The following SOX5 variants were observed in gnomAD, a reference collection of about 807,000 sequenced individuals.
SOX5 encodes SRY-box transcription factor 5.
A neutral mutation model predicts 92.0 loss-of-function variants in SOX5; 9 were observed. The observed-to-expected ratio is 0.10, with a 90% CI of 0.06 to 0.17. SOX5 has a LOEUF of 0.17. Ranked by LOEUF, SOX5 falls within the 10% of genes least tolerant of loss-of-function variation. The probability of loss-of-function intolerance (pLI) is 1.00; values close to 1 mark genes in which losing one functional copy is unlikely to be tolerated. For missense variants in SOX5, 642 were observed against 944.5 expected (o/e 0.68, Z 4.20); for synonymous variants, 344 against 336.3 (o/e 1.02, Z -0.25).
intron 1 of SOX5, among the ~76,000 whole-genome samples, chr12:24,560,726 G>C (rs1954253662): frequency 6.6e-6 from 1 of 152,156 alleles, no homozygotes; most frequent in Non-Finnish European, 1.5e-5. Context: ...TGCTATAAAA[G>C]TCAAACTTGA....
intron 6 of SOX5, among the ~76,000 whole-genome samples, chr12:23,726,135 GA>G (rs1410958283): frequency 5.8e-5 from 1 of 17,240 alleles, no homozygotes; most frequent in Non-Finnish European, 1.3e-4. Context: ...GAGAGAGAGA[GA>G]GAGAGAGAGA....
chr12:23,921,176 A>C (rs932709704), intron 1 of SOX5, among the ~76,000 whole-genome samples: 30 of 152,158 alleles, frequency 2.0e-4, no homozygotes, highest in African/African-American at 6.8e-4. Flanking sequence ...CCTAATAAAG[A>C]AGTACAAAAT....
At chr12:23,756,098 G>A (rs2094363446) in intron 3 of SOX5, among the ~76,000 whole-genome samples, 1 of 151,742 alleles carries the variant, frequency 6.6e-6, no homozygotes. Flanking sequence ...GTAAAAAAAG[G>A]CAAAGAATTA....
chr12:24,244,499 G>A (rs749732424), intron 3 of SOX5, among the ~76,000 whole-genome samples: 1 of 152,156 alleles, frequency 6.6e-6, no homozygotes, highest in Non-Finnish European at 1.5e-5. Context: ...CAGGAAAAAG[G>A]TGAATGGTTA....
At chr12:23,657,210 A>C (rs1017301452) in intron 7 of SOX5, among the ~76,000 whole-genome samples, 1 of 152,134 alleles carries the variant, frequency 6.6e-6, no homozygotes, top group Non-Finnish European at 1.5e-5. Flanking sequence ...TAAAATCAAT[A>C]AGAGAGCAAG....
At chr12:24,416,084 C>G (rs1286830822) in intron 1 of SOX5, among the ~76,000 whole-genome samples, 1 of 152,190 alleles carries the variant, frequency 6.6e-6, no homozygotes, top group Admixed American at 6.5e-5. Flanking sequence ...AGTGGGTGGT[C>G]TCTCCTGGGT....
chr12:23,999,539 A>C (rs1044386150), intron 4 of SOX5, among the ~76,000 whole-genome samples: 2 of 152,148 alleles, frequency 1.3e-5, no homozygotes, highest in East Asian at 3.8e-4. Flanking sequence ...TAATGTATAC[A>C]TATATCAAAA....
At chr12:24,423,498 T>C (rs1966248384) in intron 1 of SOX5, among the ~76,000 whole-genome samples, 1 of 152,246 alleles carries the variant, frequency 6.6e-6, no homozygotes. Flanking sequence ...TTTCTATATG[T>C]AGGAATACTA....
chr12:23,949,707 G>T, upstream of SOX5: 1 of 1,454,130 alleles, frequency 6.9e-7, no homozygotes, highest in Non-Finnish European at 9.1e-7. Context: ...TTTTCTCTCT[G>T]TCTCTTCCCC....
intron 3 of SOX5, among the ~76,000 whole-genome samples, chr12:24,218,009 G>T (rs527541608): frequency 6.6e-6 from 1 of 152,156 alleles, no homozygotes; most frequent in African/African-American, 2.4e-5. Flanking sequence ...ACGTGGGAAC[G>T]CTCATAGATT....
At chr12:24,032,931 GT>G (rs1955658899) in intron 4 of SOX5, among the ~76,000 whole-genome samples, 1 of 151,786 alleles carries the variant, frequency 6.6e-6, no homozygotes, top group South Asian at 2.1e-4. Context: ...TGGACTTTTT[GT>G]TCTTTCTTTC....
chr12:24,527,278 C>A (rs1000060211), intron 1 of SOX5, among the ~76,000 whole-genome samples: 9 of 152,180 alleles, frequency 5.9e-5, no homozygotes, highest in African/African-American at 2.2e-4. Context: ...GAAGTGCTGT[C>A]TGCATGGGAC....
intron 2 of SOX5, among the ~76,000 whole-genome samples, chr12:24,312,072 C>G (rs1047078575): frequency 6.6e-6 from 1 of 152,042 alleles, no homozygotes; most frequent in African/African-American, 2.4e-5. Flanking sequence ...ACTTAATGAA[C>G]AGAATAAAAC....
At chr12:23,656,628 G>T (rs1171666550) in intron 7 of SOX5, among the ~76,000 whole-genome samples, 1 of 151,884 alleles carries the variant, frequency 6.6e-6, no homozygotes, top group East Asian at 1.9e-4. Context: ...TAAGTAGTTT[G>T]TCATCTATGT....
intron 2 of SOX5, among the ~76,000 whole-genome samples, chr12:24,351,693 T>C (rs1954104173): frequency 6.6e-6 from 1 of 152,210 alleles, no homozygotes; most frequent in Non-Finnish European, 1.5e-5. Context: ...GATTAGTTAT[T>C]GGAGGGAAAA....
intron 4 of SOX5, among the ~76,000 whole-genome samples, chr12:24,010,065 A>T (rs1007844030): frequency 6.6e-6 from 1 of 152,202 alleles, no homozygotes; most frequent in African/African-American, 2.4e-5. Context: ...TTCAGTTTCC[A>T]TCAGTAGAAA....
At chr12:24,405,225 G>A (rs376090848) in intron 1 of SOX5, among the ~76,000 whole-genome samples, 16 of 152,146 alleles carry the variant, frequency 1.1e-4, no homozygotes, top group Non-Finnish European at 1.3e-4. Flanking sequence ...TAAATTATGC[G>A]GTGCCATTTT....
At chr12:23,591,113 T>C (rs901432550) in intron 9 of SOX5, among the ~76,000 whole-genome samples, 1 of 152,038 alleles carries the variant, frequency 6.6e-6, no homozygotes, top group Non-Finnish European at 1.5e-5. Context: ...TAAAAAAATA[T>C]ATAGTTATAC....
chr12:23,549,504 G>T (rs1221541045), intron 11 of SOX5, among the ~76,000 whole-genome samples: 1 of 151,912 alleles, frequency 6.6e-6, no homozygotes, highest in Admixed American at 6.6e-5. Flanking sequence ...TAGGAATGCT[G>T]ATATGAAAAT....
Sources: allele counts gnomAD v4.1 joint callset (sites outside exome capture counted in the v4.1 genomes callset), GRCh38; gene constraint gnomAD v4.1.1; transcripts MANE v1.5; gene names NCBI Gene and HGNC (gene_info 2026-07-23, HGNC 2026-07-21).